The following NEGR1 variants were observed in gnomAD, a reference collection of about 807,000 sequenced individuals.
The protein encoded by NEGR1 is IgLON family member 4.
A neutral mutation model predicts 40.9 loss-of-function variants in NEGR1; 10 were observed. The ratio of observed to expected loss-of-function variants is 0.24; its 90% confidence interval spans 0.15 to 0.42. The LOEUF is 0.42. Among genes scored for constraint, NEGR1 ranks in the 10% least tolerant of loss-of-function variants. The probability of loss-of-function intolerance (pLI) is 1.00; values close to 1 mark genes in which losing one functional copy is unlikely to be tolerated. For synonymous variants in NEGR1, 185 were observed against 166.8 expected, an observed-to-expected ratio of 1.11 and a Z score of -0.84; for missense variants, 352 against 438.9, an observed-to-expected ratio of 0.80 and a Z score of 1.77.
chr1:72,131,012 T>A (rs1031947376), intron 1 of NEGR1, among the ~76,000 whole-genome samples: 1 of 152,194 alleles, frequency 6.6e-6, no homozygotes, highest in African/African-American at 2.4e-5. Flanking sequence ...GATCCAGTTG[T>A]TATAGCACAA....
At chr1:72,115,530 C>T (rs1014801429) in intron 1 of NEGR1, among the ~76,000 whole-genome samples, 3 of 151,650 alleles carry the variant, frequency 2.0e-5, no homozygotes, top group East Asian at 3.9e-4. Context: ...TTACTTATGC[C>T]AGAAAATCTG....
At chr1:71,467,310 A>G (rs1403080399) in intron 6 of NEGR1, among the ~76,000 whole-genome samples, 1 of 152,094 alleles carries the variant, frequency 6.6e-6, no homozygotes, top group African/African-American at 2.4e-5. Context: ...TTGCTAAAGT[A>G]GATGTCATTG....
chr1:71,871,005 A>C (rs1338823093), intron 2 of NEGR1, among the ~76,000 whole-genome samples: 1 of 152,202 alleles, frequency 6.6e-6, no homozygotes, highest in East Asian at 1.9e-4. Context: ...CCTGGGGATA[A>C]GAGAACTGTG....
intron 1 of NEGR1, among the ~76,000 whole-genome samples, chr1:72,135,416 C>CAAAAAAAAAAAAAAAAAAAAAAAAAA (rs1557544356): frequency 8.0e-5 from 3 of 37,324 alleles, no homozygotes; most frequent in African/African-American, 8.3e-5. Context: ...AAAAAAAAAA[C>CAAAAAAAAAAAAAAAAAAAAAAAAAA]AAAACCAAAA....
At chr1:71,837,816 T>A (rs1236819896) in intron 2 of NEGR1, among the ~76,000 whole-genome samples, 1 of 152,248 alleles carries the variant, frequency 6.6e-6, no homozygotes, top group Admixed American at 6.5e-5. Flanking sequence ...TCACTCACAA[T>A]TGGGTACTCA....
chr1:71,568,103 C>G (rs1364006342), intron 6 of NEGR1, among the ~76,000 whole-genome samples: 1 of 152,152 alleles, frequency 6.6e-6, no homozygotes, highest in Non-Finnish European at 1.5e-5. Context: ...TAGCATTACT[C>G]CCATCTATTC....
chr1:71,884,320 T>C (rs944703107), intron 2 of NEGR1, among the ~76,000 whole-genome samples: 1 of 152,176 alleles, frequency 6.6e-6, no homozygotes, highest in Non-Finnish European at 1.5e-5. Flanking sequence ...CTGCAAGCCA[T>C]ATATCATTCA....
intron 1 of NEGR1, among the ~76,000 whole-genome samples, chr1:72,190,243 T>C (rs1338315158): frequency 6.6e-6 from 1 of 151,628 alleles, no homozygotes; most frequent in Non-Finnish European, 1.5e-5. Context: ...AGAAAGTTAA[T>C]TTAACCCCTT....
chr1:71,955,028 T>C (rs999673186), intron 1 of NEGR1, among the ~76,000 whole-genome samples: 2 of 152,150 alleles, frequency 1.3e-5, no homozygotes, highest in Admixed American at 1.3e-4. Context: ...AAGCAACAAA[T>C]TACATACAGG....
intron 6 of NEGR1, among the ~76,000 whole-genome samples, chr1:71,414,493 GA>G (rs2101267472): frequency 6.6e-6 from 1 of 152,250 alleles, no homozygotes; most frequent in Non-Finnish European, 1.5e-5. Context: ...ATAGTATCTG[GA>G]AGAATCAAGC....
At position 71,740,361 on chromosome 1, in the gene NEGR1, A is replaced by AAG. The variant is rs542604977; in HGVS notation, c.535+35810_535+35811insCT. 2.0e-3 allele frequency among the ~76,000 whole-genome samples: 311 copies of AAG among 152,244 alleles called. 1 individual carries two copies. Among genetic ancestry groups the AAG allele is most frequent in the African/African-American group, 7.1e-3 (295 of 41,540 alleles). Reference sequence around the variant, plus strand: ...GGTTTGCTCTGCTACTCTGTATCTTATATGGTTGTTAGATACTGAGATTAA... The same window carrying AAG: ...GGTTTGCTCTGCTACTCTGTATCTTAAGTATGGTTGTTAGATACTGAGATTAA... On this transcript the variant is annotated intron_variant, in intron 3 of 6. Coordinates refer to ENST00000357731, the MANE Select transcript of NEGR1 (RefSeq NM_173808.3).
intron 6 of NEGR1, among the ~76,000 whole-genome samples, chr1:71,442,942 C>G (rs1424707108): frequency 6.6e-6 from 1 of 152,150 alleles, no homozygotes; most frequent in Non-Finnish European, 1.5e-5. Flanking sequence ...GTTCTAGACT[C>G]TAGTGTGTTT....
At position 71,400,205 on chromosome 1, in the gene NEGR1, G is replaced by A. The variant is rs1358935379; in HGVS notation, c.*7241C>T. 1 of 152,192 alleles carries A rather than the reference G, an allele frequency of 6.6e-6. No individual in the cohort carries two copies. Among genetic ancestry groups the A allele is most frequent in the Non-Finnish European group, 1.5e-5 (1 of 68,038 alleles). The allele number at this position is 152,192 out of a possible 1,614,324, so 9.4% of individuals were successfully genotyped here. Reference sequence around the variant, plus strand: ...TTTAACATTTTAAAGTTTTGAAGGTGTAATGAACCATGCTACCTCCTGTAG... The same window carrying A: ...TTTAACATTTTAAAGTTTTGAAGGTATAATGAACCATGCTACCTCCTGTAG... On this transcript the variant is annotated 3_prime_UTR_variant, in exon 7 of 7. Transcript: ENST00000357731.
At chr1:72,135,099 G>A (rs939462971) in intron 1 of NEGR1, among the ~76,000 whole-genome samples, 2 of 149,954 alleles carry the variant, frequency 1.3e-5, no homozygotes, top group African/African-American at 2.4e-5. Context: ...ACTTTCGGCC[G>A]GGCGTGGTGG....
At chr1:72,160,608 A>G (rs190971143) in intron 1 of NEGR1, among the ~76,000 whole-genome samples, 11 of 152,306 alleles carry the variant, frequency 7.2e-5, no homozygotes, top group East Asian at 1.9e-4. Context: ...CTAATTTCCA[A>G]TACTATATAC....
At chr1:71,427,454 T>C (rs756346223) in intron 6 of NEGR1, among the ~76,000 whole-genome samples, 2 of 152,212 alleles carry the variant, frequency 1.3e-5, no homozygotes, top group African/African-American at 2.4e-5. Context: ...AATCTTAATA[T>C]ATATCTTTTC....
chr1:71,419,604 A>G (rs914333016), intron 6 of NEGR1, among the ~76,000 whole-genome samples: 2 of 152,152 alleles, frequency 1.3e-5, no homozygotes, highest in Non-Finnish European at 2.9e-5. Flanking sequence ...GTTTTACACT[A>G]TCATCATTTT....
At chr1:72,107,255 G>T (rs1649172389) in intron 1 of NEGR1, among the ~76,000 whole-genome samples, 1 of 151,534 alleles carries the variant, frequency 6.6e-6, no homozygotes, top group African/African-American at 2.4e-5. Flanking sequence ...CTTATGAATA[G>T]AATGTTCTAA....
chr1:71,507,503 T>C (rs997899046), intron 6 of NEGR1, among the ~76,000 whole-genome samples: 8 of 152,206 alleles, frequency 5.3e-5, no homozygotes, highest in African/African-American at 1.9e-4. Flanking sequence ...GCAAAAGTTA[T>C]GTAACTTGTC....
Sources: gnomAD v4.1 joint callset for allele counts (sites outside exome capture counted in the v4.1 genomes callset) on GRCh38, gnomAD v4.1.1 for gene constraint, MANE v1.5 for transcripts, NCBI Gene and HGNC (gene_info 2026-07-23, HGNC 2026-07-21) for gene names.